The following RPL26L1 variants were observed in gnomAD, a reference collection of about 807,000 sequenced individuals.
RPL26L1 encodes ribosomal protein uL24-like.
A neutral mutation model predicts 15.2 loss-of-function variants in RPL26L1; 8 were observed. That is an observed-to-expected ratio of 0.53 (90% CI 0.31 to 0.95). RPL26L1 has a LOEUF of 0.95. Ranked by LOEUF, RPL26L1 falls within the 40% of genes least tolerant of loss-of-function variation. The pLI is 0.05. For synonymous variants in RPL26L1, 51 were observed against 65.9 expected, an observed-to-expected ratio of 0.77 and a Z score of 1.09; for missense variants, 146 against 190.9, an observed-to-expected ratio of 0.76 and a Z score of 1.39.
In RPL26L1 at chr5:172,968,803, C is replaced by CTTTTTTTTT. The variant is rs539398008; in HGVS notation, c.309+219_309+227dup. On this transcript the variant is annotated intron_variant, in intron 3 of 3. Transcript: ENST00000265100. ...TTGCCTTTCTTGGTGATGGCTGTGT[C>CTTTTTTTTT]TTTTTTTTTTTTTTTTTTTTTTTGA... 2.0e-3 allele frequency among the ~76,000 whole-genome samples: 150 copies of CTTTTTTTTT among 74,366 alleles called. 8 individuals carry two copies. Among genetic ancestry groups the CTTTTTTTTT allele is most frequent in the Non-Finnish European group, 2.7e-3 (118 of 44,044 alleles). 48.8% of individuals were successfully genotyped at this position (74,366 alleles called of 152,430 possible). A position where few individuals can be genotyped will look rare whatever the true frequency, so the allele number is the denominator to read the frequency against.
At position 172,966,313 on chromosome 5, in the gene RPL26L1, A is replaced by ATTTTTT. The variant is rs386405707; in HGVS notation, c.169-2122_169-2117dup. 8.0e-3 allele frequency among the ~76,000 whole-genome samples: 511 copies of ATTTTTT among 63,658 alleles called. 63 individuals carry two copies. Among genetic ancestry groups the ATTTTTT allele is most frequent in the East Asian group, 0.014 (25 of 1,776 alleles). 41.8% of individuals were successfully genotyped at this position (63,658 alleles called of 152,430 possible). A position where few individuals can be genotyped will look rare whatever the true frequency, so the allele number is the denominator to read the frequency against. ...CGCATGCCACCATGTCTGGCTAACT[A>ATTTTTT]TTTTTTTTTTTTTTTTTTTTTTTTT... On this transcript the variant is annotated intron_variant, in intron 2 of 3. Transcript: ENST00000265100.
upstream of RPL26L1, chr5:172,954,642 GAGAC>G (rs1470656896): frequency 3.9e-6 from 1 of 257,878 alleles, no homozygotes; most frequent in Non-Finnish European, 7.7e-6. Context: ...GAGAGGGAGA[GAGAC>G]AGAGAACGGA....
chr5:172,954,408 A>G (rs1037583446), upstream of RPL26L1, among the ~76,000 whole-genome samples: 2 of 151,688 alleles, frequency 1.3e-5, no homozygotes, highest in Non-Finnish European at 2.9e-5. Flanking sequence ...TCTCTATAGA[A>G]AAAATACAAA....
chr5:172,968,761 C>A (rs1290650147), intron 3 of RPL26L1, among the ~76,000 whole-genome samples, 162 bp downstream of exon 3: 1 of 140,918 alleles, frequency 7.1e-6, no homozygotes, highest in South Asian at 2.3e-4. Flanking sequence ...GATTTTTCTT[C>A]TCTTCTCTTT....
chr5:172,969,458 C>T lies in RPL26L1; in HGVS notation c.355C>T (p.Leu119Phe). Residue 119 changes from leucine (L) to phenylalanine (F), a missense_variant, in exon 4 of 4, where the codon CTT becomes TTT. Coordinates refer to ENST00000265100, the MANE Select transcript of RPL26L1 (RefSeq NM_016093.4). ...ACTGGACAAGGATCGGAAAAAAATT[C>T]TTGAACGCAAAGCCAAGTCTCGACA... ...LKLDKDRKKI[L>F]ERKAKSRQVG... 3.7e-6 allele frequency: 6 copies of T among 1,613,724 alleles called. No homozygotes were observed. Among genetic ancestry groups the T allele is most frequent in the Non-Finnish European group, 5.1e-6 (6 of 1,179,736 alleles).
chr5:172,968,669 T>G, intron 3 of RPL26L1, 70 bp downstream of exon 3: 1 of 1,593,736 alleles, frequency 6.3e-7, no homozygotes. Flanking sequence ...TATTGGTGTT[T>G]TGGTACTCCC....
At chr5:172,956,408 A>G (rs1247481222), upstream of RPL26L1, among the ~76,000 whole-genome samples, 4 of 152,126 alleles carry the variant, frequency 2.6e-5, no homozygotes, top group Non-Finnish European at 4.4e-5. Flanking sequence ...GATTATGTCC[A>G]TCCTTTGTTC....
rs187745156 is a variant in RPL26L1 at position 172,962,499 on chromosome 5, C to T, written c.168+2458C>T. On this transcript the variant is annotated intron_variant, in intron 2 of 3. Transcript: ENST00000265100. ...CTCCAGCCTGGGTGACAGAGTGAGACTCTGTCTCAAAAACAACAACAACAA... is the reference window on the plus strand; with the variant it reads ...CTCCAGCCTGGGTGACAGAGTGAGATTCTGTCTCAAAAACAACAACAACAA... Among the ~76,000 whole-genome samples, 11 of 150,496 alleles carry T rather than the reference C, an allele frequency of 7.3e-5. No homozygotes were observed. The East Asian group carries it at 2.2e-3, about 30-fold the overall frequency.
Position 172,959,430 on chromosome 5 carries a change from G to C in RPL26L1, c.-48G>C. The C allele has an allele frequency of 1.0e-6, 1 of 995,944 alleles. No homozygotes were observed. Among genetic ancestry groups the C allele is most frequent in the Non-Finnish European group, 1.2e-6 (1 of 834,632 alleles). The allele number at this position is 995,944 out of a possible 1,614,324, so 61.7% of individuals were successfully genotyped here. ...TTGCGCGGCACGGAAACTCACTTCC[G>C]GCCCTGCGCACTCAGGGTCTGAGGC... On this transcript the variant is annotated 5_prime_UTR_variant, in exon 1 of 4. Coordinates refer to ENST00000265100, the MANE Select transcript of RPL26L1 (RefSeq NM_016093.4).
chr5:172,968,559 C>T lies in RPL26L1; in HGVS notation c.269C>T (p.Ala90Val). ...IYIERVQREK[A>V]NGTTVHVGIH... The stretch of plus-strand genomic sequence containing the variant: ...ATCGAGCGGGTGCAGCGTGAGAAGG[C>T]CAACGGCACAACTGTCCACGTGGGC... The change falls in exon 3 of 4, where the codon GCC becomes GTC. Residue 90 changes from alanine (A) to valine (V), a missense_variant. Physicochemically the swap from Ala to Val is moderately conservative, Grantham distance 64. Transcript: ENST00000265100. 1 of 1,614,042 alleles carries T rather than the reference C, an allele frequency of 6.2e-7. No homozygotes were observed.
upstream of RPL26L1, chr5:172,958,459 T>C (rs574717519): frequency 2.2e-6 from 1 of 456,134 alleles, no homozygotes; most frequent in East Asian, 7.0e-5. Flanking sequence ...GTTCAACATA[T>C]ATGGAATGAA....
upstream of RPL26L1, chr5:172,957,757 T>C (rs1160171538): frequency 1.2e-5 from 2 of 166,038 alleles, no homozygotes; most frequent in Non-Finnish European, 2.7e-5. Flanking sequence ...TGCTCCTGGG[T>C]TGCCGATAGG....
intron 2 of RPL26L1, among the ~76,000 whole-genome samples, chr5:172,968,143 A>G (rs1348037965): frequency 6.6e-6 from 1 of 152,132 alleles, no homozygotes; most frequent in East Asian, 1.9e-4. Flanking sequence ...TCTGGTCTCA[A>G]GCATTTCGAA....
At chr5:172,956,781 T>C (rs766034844), upstream of RPL26L1, among the ~76,000 whole-genome samples, 3 of 151,756 alleles carry the variant, frequency 2.0e-5, no homozygotes, top group Non-Finnish European at 4.4e-5. Flanking sequence ...CTACTAAAAA[T>C]ACAAAAATTA....
At chr5:172,967,960 C>T (rs1755531943) in intron 2 of RPL26L1, among the ~76,000 whole-genome samples, 1 of 151,772 alleles carries the variant, frequency 6.6e-6, no homozygotes, top group Non-Finnish European at 1.5e-5. Flanking sequence ...CACATACACT[C>T]ATATAGTTTG....
At chr5:172,958,461 T>A (rs543604032), upstream of RPL26L1, 4 of 456,030 alleles carry the variant, frequency 8.8e-6, no homozygotes, top group South Asian at 6.2e-5. Flanking sequence ...TCAACATATA[T>A]GGAATGAATG....
At chr5:172,968,438 C>G (rs761930375) in intron 2 of RPL26L1, 21 bp from the exon 3 acceptor site, 1 of 1,611,582 alleles carries the variant, frequency 6.2e-7, no homozygotes, top group Non-Finnish European at 8.5e-7. Flanking sequence ...GAGGGGGATT[C>G]TCTTTTGTAT....
At chr5:172,958,530 T>C (rs189902704), upstream of RPL26L1, 3 of 423,284 alleles carry the variant, frequency 7.1e-6, no homozygotes, top group Middle Eastern at 5.0e-4. Context: ...CGTCGGTTCT[T>C]AACCCGAAGA....
At chr5:172,954,181 C>A (rs561219724), upstream of RPL26L1, among the ~76,000 whole-genome samples, 131 of 152,252 alleles carry the variant, frequency 8.6e-4, 1 homozygote, top group African/African-American at 3.0e-3. Context: ...CCTAGTAAAA[C>A]TAAGTTGAAT....
Sources: gnomAD v4.1 joint callset for allele counts (sites outside exome capture counted in the v4.1 genomes callset) on GRCh38, gnomAD v4.1.1 for gene constraint, MANE v1.5 for transcripts, NCBI Gene and HGNC (gene_info 2026-07-23, HGNC 2026-07-21) for gene names.